Variants in AK8 observed in about 807,000 individuals in gnomAD.
AK8 encodes ATP-AMP transphosphorylase 8.
A neutral mutation model predicts 54.6 loss-of-function variants in AK8; 44 were observed. The observed-to-expected ratio is 0.81, with a 90% CI of 0.63 to 1.04. The LOEUF (loss-of-function observed/expected upper bound fraction) is 1.04. Among genes scored for constraint, AK8 ranks in the 50% least tolerant of loss-of-function variants. The probability of loss-of-function intolerance (pLI) is 0.00; values close to 1 mark genes in which losing one functional copy is unlikely to be tolerated. For missense variants in AK8, 555 were observed against 613.6 expected, an observed-to-expected ratio of 0.90 and a Z score of 1.01; for synonymous variants, 239 against 245.6, an observed-to-expected ratio of 0.97 and a Z score of 0.25.
chr9:132,806,063 A>T (rs942476607), intron 10 of AK8, among the ~76,000 whole-genome samples: 1 of 151,642 alleles, frequency 6.6e-6, no homozygotes, highest in African/African-American at 2.4e-5. Context: ...TCCACATAGA[A>T]TAAGAGTAAA....
intron 5 of AK8, among the ~76,000 whole-genome samples, chr9:132,846,504 G>GATGA (rs56358230): frequency 6.2e-4 from 93 of 150,988 alleles, no homozygotes; most frequent in Middle Eastern, 3.4e-3. Context: ...TGAGAGAATA[G>GATGA]ATGAATGAAT....
chr9:132,765,312 A>AAAAAAC (rs1838679335), intron 11 of AK8, among the ~76,000 whole-genome samples: 1 of 151,194 alleles, frequency 6.6e-6, no homozygotes. Flanking sequence ...AAAAAAAAAA[A>AAAAAAC]AAGAGAATTC....
intron 9 of AK8, among the ~76,000 whole-genome samples, chr9:132,818,853 A>G (rs1407917001): frequency 6.6e-6 from 1 of 152,142 alleles, no homozygotes; most frequent in Non-Finnish European, 1.5e-5. Flanking sequence ...GTCTCTTAAA[A>G]AAAAAAAAGT....
At chr9:132,874,233 T>C (rs1002276642) in intron 2 of AK8, 3 of 152,292 alleles carry the variant, frequency 2.0e-5, no homozygotes, top group Admixed American at 6.5e-5. Flanking sequence ...TCCCTTACTC[T>C]GCTGCTCCGC....
At chr9:132,840,477 G>A (rs1223917986) in intron 5 of AK8, among the ~76,000 whole-genome samples, 1 of 151,754 alleles carries the variant, frequency 6.6e-6, no homozygotes, top group African/African-American at 2.4e-5. Flanking sequence ...GAGGAAGGCA[G>A]TCTGCAGCTG....
Position 132,837,939 on chromosome 9 carries a change from T to C in AK8, c.403-9213A>G, listed in dbSNP as rs1219830980. On this transcript the variant is annotated intron_variant, in intron 5 of 12. Coordinates refer to ENST00000298545, the MANE Select transcript of AK8 (RefSeq NM_152572.3). This position sits in a 1 kb window ranked among gnomAD's most constrained non-coding sequence, Gnocchi z 4.3. Reference sequence around the variant, plus strand: ...TCCCCTGCAAAGCTAACTGCATCTGTATTTGAGGAACACACAGCCAGGGCC... The same window carrying C: ...TCCCCTGCAAAGCTAACTGCATCTGCATTTGAGGAACACACAGCCAGGGCC... Among the ~76,000 whole-genome samples the C allele has an allele frequency of 6.6e-6, 1 of 152,276 alleles. No individual in the cohort carries two copies. Among genetic ancestry groups the C allele is most frequent in the South Asian group, 2.1e-4 (1 of 4,822 alleles).
chr9:132,807,005 A>T (rs1254202251), intron 10 of AK8, among the ~76,000 whole-genome samples: 1 of 152,096 alleles, frequency 6.6e-6, no homozygotes, highest in Non-Finnish European at 1.5e-5. Context: ...ACAGGTAACA[A>T]CTCGATAATG....
intron 11 of AK8, among the ~76,000 whole-genome samples, chr9:132,737,325 C>A (rs900690981): frequency 6.6e-6 from 1 of 152,078 alleles, no homozygotes; most frequent in Non-Finnish European, 1.5e-5. Flanking sequence ...TAATTCTACA[C>A]AAACTATAAT....
intron 10 of AK8, among the ~76,000 whole-genome samples, chr9:132,800,118 T>C (rs1324753674): frequency 6.6e-6 from 1 of 152,172 alleles, no homozygotes; most frequent in Non-Finnish European, 1.5e-5. Context: ...GCCCAGGCCC[T>C]GACTTAATTC....
At chr9:132,780,311 A>G (rs1324013410) in intron 11 of AK8, among the ~76,000 whole-genome samples, 1 of 152,234 alleles carries the variant, frequency 6.6e-6, no homozygotes, top group African/African-American at 2.4e-5. Flanking sequence ...CTGAGGGGAC[A>G]GGCTTGGCCC....
At chr9:132,819,134 AC>A (rs1841465490) in intron 9 of AK8, among the ~76,000 whole-genome samples, 1 of 152,118 alleles carries the variant, frequency 6.6e-6, no homozygotes, top group Non-Finnish European at 1.5e-5. Context: ...TAGTTTCTAC[AC>A]TCATGGATTC....
intron 10 of AK8, among the ~76,000 whole-genome samples, chr9:132,810,254 C>T (rs1840935874): frequency 1.3e-5 from 2 of 151,648 alleles, no homozygotes; most frequent in South Asian, 4.1e-4. Flanking sequence ...TCTAAATAAA[C>T]AAAAAGCTGT....
intron 10 of AK8, among the ~76,000 whole-genome samples, chr9:132,806,181 C>T (rs1840717549): frequency 6.6e-6 from 1 of 151,880 alleles, no homozygotes; most frequent in Admixed American, 6.6e-5. Context: ...GGGAGTTGCA[C>T]TGCGGGGCCC....
At chr9:132,788,660 C>T (rs1196969319) in intron 11 of AK8, among the ~76,000 whole-genome samples, 1 of 152,032 alleles carries the variant, frequency 6.6e-6, no homozygotes, top group African/African-American at 2.4e-5. Flanking sequence ...TAAGAAGAGA[C>T]CAATTGCACA....
At chr9:132,877,768 G>A (rs1043205802) in intron 1 of AK8, 4 of 463,526 alleles carry the variant, frequency 8.6e-6, no homozygotes, top group South Asian at 6.3e-5. Flanking sequence ...TGGGCCGAGA[G>A]GCTCCCCACA....
intron 10 of AK8, among the ~76,000 whole-genome samples, chr9:132,808,116 G>T (rs930429997): frequency 1.3e-5 from 2 of 152,124 alleles, no homozygotes; most frequent in African/African-American, 4.8e-5. Context: ...TTTTCCAAAA[G>T]CCCAGAATCG....
In AK8 at chr9:132,791,848, G is replaced by C. The variant is rs904131891; in HGVS notation, c.1121+786C>G. On this transcript the variant is annotated intron_variant, in intron 11 of 12. Transcript: ENST00000298545. This position sits in a 1 kb window ranked among gnomAD's most constrained non-coding sequence, Gnocchi z 4.0. ...GGAATTGACAGCTTCCCTCATTTTT[G>C]CCACCATTTGCAAGGTATGACCAAC... 1.3e-5 allele frequency among the ~76,000 whole-genome samples: 2 copies of C among 152,122 alleles called. No homozygotes were observed. Among genetic ancestry groups the C allele is most frequent in the African/African-American group, 4.8e-5 (2 of 41,434 alleles).
chr9:132,743,276 T>TGAGAGCAGGGTGTGCAGATCCA (rs1837482154), intron 11 of AK8, among the ~76,000 whole-genome samples: 1 of 152,266 alleles, frequency 6.6e-6, no homozygotes, highest in Non-Finnish European at 1.5e-5. Flanking sequence ...GGCACGGGTC[T>TGAGAGCAGGGTGTGCAGATCCA]GAGAGCAGGG....
At chr9:132,830,375 C>T (rs1476334262) in intron 5 of AK8, among the ~76,000 whole-genome samples, 1 of 152,180 alleles carries the variant, frequency 6.6e-6, no homozygotes, top group Non-Finnish European at 1.5e-5. Context: ...AAATGGCCCA[C>T]TAGTTTATGA....
Sources: gnomAD v4.1 joint callset for allele counts (sites outside exome capture counted in the v4.1 genomes callset) on GRCh38, gnomAD v4.1.1 for gene constraint, Gnocchi (gnomAD v3.1) non-coding constraint, MANE v1.5 for transcripts, NCBI Gene and HGNC (gene_info 2026-07-23, HGNC 2026-07-21) for gene names.